ZC3H14: variants seen among roughly 807,000 people sequenced by gnomAD.
The protein encoded by ZC3H14 is zinc finger CCCH-type containing 14, also known as zinc finger CCCH domain-containing protein 14.
A neutral mutation model predicts 92.4 loss-of-function variants in ZC3H14; 31 were observed. That is an observed-to-expected ratio of 0.34 (90% CI 0.25 to 0.45). The LOEUF (loss-of-function observed/expected upper bound fraction) is 0.45, where lower values mean the gene tolerates loss of function less well. Ranked by LOEUF, ZC3H14 falls within the 20% of genes least tolerant of loss-of-function variation. The probability of loss-of-function intolerance (pLI) is 1.00; values close to 1 mark genes in which losing one functional copy is unlikely to be tolerated. For synonymous variants in ZC3H14, 321 were observed against 300.9 expected, an observed-to-expected ratio of 1.07 and a Z score of -0.69; for missense variants, 781 against 897.3, an observed-to-expected ratio of 0.87 and a Z score of 1.66.
At position 88,627,184 on chromosome 14, in the gene ZC3H14, C is replaced by T; in HGVS notation, c.*15433C>T. The T allele has an allele frequency of 2.7e-6, 2 of 734,610 alleles. No individual in the cohort carries two copies. Among genetic ancestry groups the T allele is most frequent in the Non-Finnish European group, 4.5e-6 (2 of 444,348 alleles). 45.5% of individuals were successfully genotyped at this position (734,610 alleles called of 1,614,324 possible). A position where few individuals can be genotyped will look rare whatever the true frequency, so the allele number is the denominator to read the frequency against. On this transcript the variant is annotated 3_prime_UTR_variant, in exon 17 of 17. Coordinates refer to ENST00000251038, the MANE Select transcript of ZC3H14 (RefSeq NM_024824.5). The stretch of plus-strand genomic sequence containing the variant: ...CAATGGCCCCTGCTCTACTACCTAG[C>T]AATACATGATTTACAATTATTTGTG...
chr14:88,583,257 T>C (rs559635444), intron 9 of ZC3H14, among the ~76,000 whole-genome samples: 2 of 151,652 alleles, frequency 1.3e-5, no homozygotes, highest in East Asian at 3.9e-4. Flanking sequence ...TCAGGGACCA[T>C]AGGCACACGC....
rs2140187339 is a variant in ZC3H14 at position 88,612,630 on chromosome 14, ATACT to A, written c.*882_*885del. The A allele has an allele frequency of 6.5e-6, 1 of 152,778 alleles. No individual in the cohort carries two copies. Among genetic ancestry groups the A allele is most frequent in the South Asian group, 2.1e-4 (1 of 4,830 alleles). 9.5% of individuals were successfully genotyped at this position (152,778 alleles called of 1,614,324 possible). ...AACATTCTCAGAATCCACAGAAAAT[ATACT>A]TAGTTACTACTGAAGATAATTTTTG... On this transcript the variant is annotated 3_prime_UTR_variant, in exon 17 of 17. Transcript: ENST00000251038.
intron 13 of ZC3H14, chr14:88,608,611 G>C: frequency 4.7e-6 from 1 of 210,622 alleles, no homozygotes; most frequent in Non-Finnish European, 9.4e-6. Context: ...AATTCTGTAC[G>C]TTTAAGCAGA....
chr14:88,578,114 A>G lies in ZC3H14; in HGVS notation c.1253A>G (p.Lys418Arg). The G allele has an allele frequency of 1.4e-5, 22 of 1,614,122 alleles. No homozygotes were observed. Among genetic ancestry groups the G allele is most frequent in the Non-Finnish European group, 1.8e-5 (21 of 1,180,012 alleles). The change falls in exon 9 of 17, where the codon AAA (lysine) becomes AGA (arginine). Residue 418 changes from lysine to arginine, a missense_variant. By Grantham distance (26) the Lys-to-Arg change is conservative. Around this residue, in one of 3 missense-constraint regions of ZC3H14, gnomAD observed 454 missense variants for 438.5 expected, o/e 1.04. Coordinates refer to ENST00000251038, the MANE Select transcript of ZC3H14 (RefSeq NM_024824.5). ...CCCCCCATTAAAGAAGAGGAAACAAAAGGAGATTCTGTAGAAAAAAATCAA... is the reference window on the plus strand; with the variant it reads ...CCCCCCATTAAAGAAGAGGAAACAAGAGGAGATTCTGTAGAAAAAAATCAA... ...ISPPIKEEET[K>R]GDSVEKNQGT... is the part of the protein sequence containing the mutation.
intron 13 of ZC3H14, among the ~76,000 whole-genome samples, chr14:88,607,895 C>T (rs2085789922): frequency 8.1e-6 from 1 of 123,504 alleles, no homozygotes; most frequent in Non-Finnish European, 1.7e-5. Context: ...CCCATCTCAC[C>T]CTGCAAGTAT....
chr14:88,585,487 C>T (rs1355812554), intron 9 of ZC3H14, among the ~76,000 whole-genome samples: 3 of 151,782 alleles, frequency 2.0e-5, no homozygotes, highest in Non-Finnish European at 4.4e-5. Context: ...AGTGATTCTC[C>T]TGCCTCAGCC....
chr14:88,601,866 G>A, intron 10 of ZC3H14, 58 bp from the exon 11 acceptor site: 1 of 1,578,552 alleles, frequency 6.3e-7, no homozygotes, highest in Non-Finnish European at 8.7e-7. Flanking sequence ...CATATATAAT[G>A]TTGGGAATGT....
chr14:88,563,060 G>A lies in ZC3H14; in HGVS notation c.-74G>A, dbSNP rs896817467. The A allele has an allele frequency of 6.7e-5, 102 of 1,532,168 alleles. No homozygotes were observed. The highest frequency in any genetic ancestry group is 8.6e-5 in the Non-Finnish European group (98 of 1,144,264). 94.9% of individuals were successfully genotyped at this position (1,532,168 alleles called of 1,614,324 possible). ...GAGGAGGCGGTGGTGTCCCGGCTGC[G>A]GGGTAGGAGTCCGCGGCAGCCTCCG... On this transcript the variant is annotated 5_prime_UTR_variant, in exon 1 of 17. Coordinates refer to ENST00000251038, the MANE Select transcript of ZC3H14 (RefSeq NM_024824.5).
rs778276469 is a variant in ZC3H14, at chr14:88,621,173, C to T, written c.*9422C>T. 6.2e-7 allele frequency: 1 copy of T among 1,613,768 alleles called. No homozygotes were observed. The highest frequency in any genetic ancestry group is 8.5e-7 in the Non-Finnish European group (1 of 1,179,840). ...CTTCTGCAGCAGAAAGGAAAAAATC[C>T]CTGGAAGGATGTGTTGCTAGTCCCC... On this transcript the variant is annotated 3_prime_UTR_variant, in exon 17 of 17. Transcript: ENST00000251038.
chr14:88,572,737 A>G lies in ZC3H14; in HGVS notation c.591A>G (p.Lys197=), dbSNP rs769124688. ...TGCAGGAGAATCCCTTATCTCAGAAAAAACCTACAGTGACACTTACATATG... is the reference window on the plus strand; with the variant it reads ...TGCAGGAGAATCCCTTATCTCAGAAGAAACCTACAGTGACACTTACATATG... The part of the protein sequence containing the change: ...NFVQENPLSQ[K]KPTVTLTYGS... Residue 197 remains lysine (K), a synonymous_variant, in exon 6 of 17, where the codon AAA becomes AAG. Transcript: ENST00000251038. The G allele has an allele frequency of 1.2e-6, 2 of 1,614,220 alleles. No homozygotes were observed. Among genetic ancestry groups the G allele is most frequent in the Admixed American group, 3.3e-5 (2 of 60,026 alleles).
rs2087087778 is a variant in ZC3H14 at position 88,613,218 on chromosome 14, C to CTGT, written c.*1467_*1468insTGT. 6.6e-6 allele frequency: 1 copy of CTGT among 152,168 alleles called. No individual in the cohort carries two copies. Among genetic ancestry groups the CTGT allele is most frequent in the Admixed American group, 6.5e-5 (1 of 15,276 alleles). 9.4% of individuals were successfully genotyped at this position (152,168 alleles called of 1,614,324 possible). A position where few individuals can be genotyped will look rare whatever the true frequency, so the allele number is the denominator to read the frequency against. ...CACGAGAAGCAGCAAAGACAGAGCA[C>CTGT]ACAAGTGCATAAGGCTGTTGTCTTC... On this transcript the variant is annotated 3_prime_UTR_variant, in exon 17 of 17. Coordinates refer to ENST00000251038, the MANE Select transcript of ZC3H14 (RefSeq NM_024824.5).
chr14:88,589,693 A>C (rs1161907448), intron 9 of ZC3H14: 3 of 152,088 alleles, frequency 2.0e-5, no homozygotes, highest in Non-Finnish European at 2.9e-5. Context: ...TCCTGTTGCC[A>C]TTCTTTTTTT....
intron 9 of ZC3H14, among the ~76,000 whole-genome samples, chr14:88,584,224 C>G (rs963622319): frequency 2.0e-5 from 3 of 152,118 alleles, no homozygotes; most frequent in Non-Finnish European, 4.4e-5. Flanking sequence ...CAAGTTTGAA[C>G]TGTGTGGGTC....
At chr14:88,579,255 A>T (rs1261951823) in intron 9 of ZC3H14, among the ~76,000 whole-genome samples, 1 of 152,120 alleles carries the variant, frequency 6.6e-6, no homozygotes, top group African/African-American at 2.4e-5. Context: ...CTCTTTAAAA[A>T]TTTTTGACTG....
rs1195950800 is a variant in ZC3H14 at position 88,563,069 on chromosome 14, G to T, written c.-65G>T. 10 of 1,541,026 alleles carry T rather than the reference G, an allele frequency of 6.5e-6. No individual in the cohort carries two copies. Among genetic ancestry groups the T allele is most frequent in the Non-Finnish European group, 8.7e-6 (10 of 1,149,916 alleles). On this transcript the variant is annotated 5_prime_UTR_variant, in exon 1 of 17. Coordinates refer to ENST00000251038, the MANE Select transcript of ZC3H14 (RefSeq NM_024824.5). Reference sequence around the variant, plus strand: ...GTGGTGTCCCGGCTGCGGGGTAGGAGTCCGCGGCAGCCTCCGGGTAAGCCA... The same window carrying T: ...GTGGTGTCCCGGCTGCGGGGTAGGATTCCGCGGCAGCCTCCGGGTAAGCCA...
intron 9 of ZC3H14, among the ~76,000 whole-genome samples, chr14:88,580,559 G>GC (rs2081790105): frequency 1.6e-5 from 2 of 121,740 alleles, no homozygotes; most frequent in African/African-American, 5.8e-5. Context: ...GTCTAAAAGG[G>GC]CTCATGAGAA....
At chr14:88,600,755 TG>T (rs929787952) in intron 10 of ZC3H14, among the ~76,000 whole-genome samples, 4 of 152,160 alleles carry the variant, frequency 2.6e-5, no homozygotes, top group Non-Finnish European at 5.9e-5. Flanking sequence ...CCAGGCCACT[TG>T]ATTTCTTACT....
At chr14:88,589,268 G>T (rs2082810955) in intron 9 of ZC3H14, 1 of 152,082 alleles carries the variant, frequency 6.6e-6, no homozygotes, top group African/African-American at 2.4e-5. Flanking sequence ...GGGGGAGCAG[G>T]TTGGTATGCT....
intron 9 of ZC3H14, among the ~76,000 whole-genome samples, chr14:88,582,663 A>C (rs1472359517): frequency 6.6e-6 from 1 of 152,162 alleles, no homozygotes; most frequent in Non-Finnish European, 1.5e-5. Context: ...ACAAAAATTC[A>C]TTAAGCTATA....
Sources: gnomAD v4.1 joint callset for allele counts (sites outside exome capture counted in the v4.1 genomes callset) on GRCh38, gnomAD v4.1.1 for gene constraint, gnomAD v4.1.1 regional missense constraint, MANE v1.5 for transcripts, NCBI Gene and HGNC (gene_info 2026-07-23, HGNC 2026-07-21) for gene names.